The following ASAP3 variants were observed in gnomAD, a reference collection of about 807,000 sequenced individuals.
ASAP3 encodes ArfGAP with SH3 domain, ankyrin repeat and PH domain 3.
ASAP3 carries 85 observed loss-of-function variants against 118.2 expected under a neutral mutation model. The observed-to-expected ratio is 0.72, with a 90% CI of 0.60 to 0.86. ASAP3 has a LOEUF of 0.86. Ranked by LOEUF, ASAP3 falls within the 40% of genes least tolerant of loss-of-function variation. ASAP3 has a pLI of 0.00. For synonymous variants in ASAP3, 432 were observed against 477.4 expected (o/e 0.90, Z 1.24); for missense variants, 1,026 against 1,175.0 (o/e 0.87, Z 1.85).
At chr1:23,477,648 C>T (rs955643733) in intron 1 of ASAP3, among the ~76,000 whole-genome samples, 11 of 152,094 alleles carry the variant, frequency 7.2e-5, no homozygotes, top group Admixed American at 6.6e-5. Context: ...AAGGCCTTGA[C>T]GAGGAGGATG....
Position 23,433,416 on chromosome 1 carries a change from G to A in ASAP3, c.2127+9C>T. 6.2e-7 allele frequency: 1 copy of A among 1,614,140 alleles called. No homozygotes were observed. The highest frequency in any genetic ancestry group is 8.5e-7 in the Non-Finnish European group (1 of 1,180,032). On this transcript the variant is annotated intron_variant, in intron 21 of 24. Coordinates refer to ENST00000336689, the MANE Select transcript of ASAP3 (RefSeq NM_017707.4). ...ATCCAGAGGCCTGAGGGACAGGGCT[G>A]GGACCCACCTTCTCTTCCTCATCCT...
In ASAP3 at chr1:23,437,532, A is replaced by G; in HGVS notation, c.1103-60T>C. 6 of 1,603,904 alleles carry G rather than the reference A, an allele frequency of 3.7e-6. No individual in the cohort carries two copies. The highest frequency in any genetic ancestry group is 5.1e-6 in the Non-Finnish European group (6 of 1,174,202). ...AATGCTGCTGGCCTTCCCGGAGCCC[A>G]GGGAGCCCCCACCAAAGCCGCTGGG... is the stretch of plus-strand genomic sequence containing the variant. On this transcript the variant is annotated intron_variant, in intron 12 of 24. Transcript: ENST00000336689. This position sits in a 1 kb window ranked among gnomAD's most constrained non-coding sequence, Gnocchi z 6.1.
intron 17 of ASAP3, 50 bp from the exon 18 acceptor site, chr1:23,434,668 C>T (rs1640571939): frequency 6.4e-7 from 1 of 1,559,948 alleles, no homozygotes; most frequent in Non-Finnish European, 8.8e-7. Flanking sequence ...GCACCTGCCT[C>T]CAACCCAGTA....
chr1:23,451,181 G>A (rs876583), intron 5 of ASAP3, among the ~76,000 whole-genome samples: 10,778 of 152,212 alleles, frequency 0.071, 723 homozygotes, highest in South Asian at 0.23. Context: ...TGGCCAGCAC[G>A]CGGAGGTGTT....
chr1:23,473,632 AGTCATCT>A (rs1642027821), intron 1 of ASAP3, among the ~76,000 whole-genome samples: 1 of 152,210 alleles, frequency 6.6e-6, no homozygotes, highest in Non-Finnish European at 1.5e-5. Flanking sequence ...AATCTGCCTG[AGTCATCT>A]GTCTCCTTGT....
intron 1 of ASAP3, among the ~76,000 whole-genome samples, chr1:23,470,404 T>C (rs1268712714): frequency 6.6e-6 from 1 of 152,162 alleles, no homozygotes; most frequent in Non-Finnish European, 1.5e-5. Context: ...CAGCTACCCC[T>C]CTGCCTCATC....
At chr1:23,434,190 T>A in intron 19 of ASAP3, 64 bp downstream of exon 19, 1 of 1,512,320 alleles carries the variant, frequency 6.6e-7, no homozygotes, top group African/African-American at 1.4e-5. Context: ...CCCGAGACCA[T>A]CGGAAGTCCA....
chr1:23,473,204 T>C (rs1642016182), intron 1 of ASAP3, among the ~76,000 whole-genome samples: 1 of 152,240 alleles, frequency 6.6e-6, no homozygotes, highest in South Asian at 2.1e-4. Flanking sequence ...GCTCATCAGT[T>C]ACCTGGGAAC....
rs765157276 is a variant in ASAP3 at position 23,431,786 on chromosome 1, T to C, written c.2456A>G (p.Glu819Gly). 1 of 1,541,792 alleles carries C rather than the reference T, an allele frequency of 6.5e-7. No homozygotes were observed. The highest frequency in any genetic ancestry group is 8.7e-7 in the Non-Finnish European group (1 of 1,151,420). Residue 819 changes from glutamate (E) to glycine (G), a missense_variant, in exon 23 of 25, where the codon GAA (glutamate) becomes GGA (glycine). Transcript: ENST00000336689. ...GDPSQAPPNS[E>G]EGLREPPGTS... The stretch of plus-strand genomic sequence containing the variant: ...GCCTGGGGGCTCTCGGAGGCCCTCT[T>C]CAGAGTTGGGTGGGGCTTGGCTGGG...
At chr1:23,441,061 G>A (rs1445076838) in intron 10 of ASAP3, 41 bp downstream of exon 10, 2 of 1,572,038 alleles carry the variant, frequency 1.3e-6, no homozygotes, top group Non-Finnish European at 8.8e-7. Flanking sequence ...TTTACTTGCA[G>A]TGTGACATTG....
At chr1:23,441,570 G>A (rs1640874519) in intron 8 of ASAP3, 85 bp downstream of exon 8, 1 of 1,599,678 alleles carries the variant, frequency 6.3e-7, no homozygotes, top group South Asian at 1.1e-5. Flanking sequence ...CACTCTGTGG[G>A]CAGAAGCCAG....
chr1:23,434,365 G>A lies in ASAP3; in HGVS notation c.1840C>T (p.His614Tyr). ...CCGTCAGCAGCCTTGGCATCCAGGT[G>A]ACCACTGGGGAGAGGAGGGTTCAGG... ...LVDFIIQNGG[H>Y]LDAKAADGNT... The change falls in exon 19 of 25, where the codon CAC becomes TAC. Residue 614 changes from histidine to tyrosine, a missense_variant. Transcript: ENST00000336689. 2 of 1,614,112 alleles carry A rather than the reference G, an allele frequency of 1.2e-6. No individual in the cohort carries two copies. Among genetic ancestry groups the A allele is most frequent in the Non-Finnish European group, 1.7e-6 (2 of 1,180,028 alleles).
chr1:23,452,814 C>T, intron 3 of ASAP3, 43 bp from the exon 4 acceptor site: 1 of 1,583,980 alleles, frequency 6.3e-7, no homozygotes, highest in African/African-American at 1.3e-5. Context: ...AGGTGACCGG[C>T]ATCCAGCCCC....
chr1:23,441,114 T>C lies in ASAP3; in HGVS notation c.932A>G (p.Lys311Arg). 1.2e-6 allele frequency: 2 copies of C among 1,614,198 alleles called. No individual in the cohort carries two copies. Among genetic ancestry groups the C allele is most frequent in the Non-Finnish European group, 1.7e-6 (2 of 1,180,022 alleles). Residue 311 changes from lysine (K) to arginine (R), a missense_variant, in exon 10 of 25, where the codon AAG (lysine) becomes AGG (arginine). Transcript: ENST00000336689. ...CTGAATCACTTACCCGTCACTTTTCTTGTATAGAAAGCCCACTTTCTCCGT... is the reference window on the plus strand; with the variant it reads ...CTGAATCACTTACCCGTCACTTTTCCTGTATAGAAAGCCCACTTTCTCCGT... ...FGTEKVGFLY[K>R]KSDGIRRVWQ...
At position 23,434,393 on chromosome 1, in the gene ASAP3, G is replaced by C; in HGVS notation, c.1836-24C>G. 4 of 1,612,660 alleles carry C rather than the reference G, an allele frequency of 2.5e-6. No individual in the cohort carries two copies. The South Asian group carries it at 4.4e-5, about 18-fold the overall frequency. On this transcript the variant is annotated intron_variant, in intron 18 of 24. Coordinates refer to ENST00000336689, the MANE Select transcript of ASAP3 (RefSeq NM_017707.4). ...CACTGGGGAGAGGAGGGTTCAGGGA[G>C]AAAGGAAGGGGAACAGATCAATGAG...
intron 10 of ASAP3, among the ~76,000 whole-genome samples, chr1:23,440,125 A>ATT (rs539194086): frequency 1.5e-5 from 2 of 133,542 alleles, no homozygotes; most frequent in South Asian, 2.4e-4. Context: ...CCACAGACTG[A>ATT]TTTTTTTTTT....
chr1:23,479,480 A>G (rs921554058), intron 1 of ASAP3, among the ~76,000 whole-genome samples: 4 of 152,158 alleles, frequency 2.6e-5, no homozygotes, highest in African/African-American at 4.8e-5. Context: ...TTTCCCTCCA[A>G]CAGAAACAAG....
At chr1:23,474,287 C>A (rs1036806437) in intron 1 of ASAP3, among the ~76,000 whole-genome samples, 1 of 152,042 alleles carries the variant, frequency 6.6e-6, no homozygotes, top group African/African-American at 2.4e-5. Context: ...CAATGACCTC[C>A]GTGTTGCCAA....
At chr1:23,445,250 G>T (rs1043549019) in intron 5 of ASAP3, among the ~76,000 whole-genome samples, 6 of 152,162 alleles carry the variant, frequency 3.9e-5, no homozygotes, top group African/African-American at 1.4e-4. Flanking sequence ...AGCACTTTGT[G>T]AGGCCAAGGT....
Sources: allele counts gnomAD v4.1 joint callset (sites outside exome capture counted in the v4.1 genomes callset), GRCh38; gene constraint gnomAD v4.1.1; non-coding constraint Gnocchi (gnomAD v3.1); transcripts MANE v1.5; gene names NCBI Gene and HGNC (gene_info 2026-07-23, HGNC 2026-07-21).